The following BAZ2B variants were observed in gnomAD, a reference collection of about 807,000 sequenced individuals.
The protein encoded by BAZ2B is bromodomain adjacent to zinc finger domain protein 2B.
In BAZ2B, 91 loss-of-function variants were observed where a neutral mutation model predicts 246.0. That is an observed-to-expected ratio of 0.37 (90% CI 0.31 to 0.44). The LOEUF (loss-of-function observed/expected upper bound fraction) is 0.44, where lower values mean the gene tolerates loss of function less well. BAZ2B is among the 20% of genes least tolerant of loss of function. The pLI is 1.00. For synonymous variants in BAZ2B, 855 were observed against 860.0 expected, an observed-to-expected ratio of 0.99 and a Z score of 0.10; for missense variants, 2,332 against 2,533.7, an observed-to-expected ratio of 0.92 and a Z score of 1.71.
intron 36 of BAZ2B, among the ~76,000 whole-genome samples, chr2:159,323,571 G>A (rs2063016748): frequency 6.6e-6 from 1 of 151,970 alleles, no homozygotes; most frequent in Admixed American, 6.6e-5. Context: ...AGGAGGTGGA[G>A]GTGGGCGGAT....
At chr2:159,635,089 G>A in the BAZ2B span, among the ~76,000 whole-genome samples, 1 of 152,156 alleles carries the variant, frequency 6.6e-6, no homozygotes, top group African/African-American at 2.4e-5. Flanking sequence ...GAATTTTGTG[G>A]CAACTTTAAT....
chr2:159,687,717 G>A, the BAZ2B span, among the ~76,000 whole-genome samples: 2 of 152,214 alleles, frequency 1.3e-5, no homozygotes, highest in African/African-American at 4.8e-5. Flanking sequence ...CGTTGAACAT[G>A]AGGCAGAGGT....
At chr2:159,370,823 C>G (rs760295407) in intron 27 of BAZ2B, among the ~76,000 whole-genome samples, 23 of 152,046 alleles carry the variant, frequency 1.5e-4, no homozygotes, top group Non-Finnish European at 2.8e-4. Flanking sequence ...TATTTAGAGA[C>G]AGATCTTCAC....
intron 1 of BAZ2B, among the ~76,000 whole-genome samples, chr2:159,578,842 T>C (rs2151618132): frequency 6.6e-6 from 1 of 152,236 alleles, no homozygotes; most frequent in East Asian, 1.9e-4. Context: ...CATAACGAGA[T>C]GAAGGCAGAA....
chr2:159,537,530 A>G (rs1441561818), intron 2 of BAZ2B, among the ~76,000 whole-genome samples: 1 of 152,242 alleles, frequency 6.6e-6, no homozygotes, highest in Non-Finnish European at 1.5e-5. Flanking sequence ...ATTTTCATAT[A>G]GTTTTTATAT....
the BAZ2B span, among the ~76,000 whole-genome samples, chr2:159,661,399 T>C: frequency 1.3e-5 from 2 of 152,176 alleles, no homozygotes; most frequent in African/African-American, 4.8e-5. Flanking sequence ...AGCTGTTAGG[T>C]ATATTCTAGT....
intron 2 of BAZ2B, among the ~76,000 whole-genome samples, chr2:159,532,124 T>C (rs931373729): frequency 6.6e-6 from 1 of 152,154 alleles, no homozygotes; most frequent in Non-Finnish European, 1.5e-5. Context: ...TCCTTAGAAA[T>C]TGAAAACACT....
chr2:159,548,702 G>C lies in BAZ2B; in HGVS notation c.-3+7121C>G, dbSNP rs182103931. Among the ~76,000 whole-genome samples, 313 of 152,272 alleles carry C rather than the reference G, an allele frequency of 2.1e-3. 3 individuals are homozygous for C. Among genetic ancestry groups the C allele is most frequent in the Admixed American group, 4.3e-3 (66 of 15,294 alleles). ...TAACTTCCATGCTTTGGGAGGCCTA[G>C]GTGGAAGGATTGCTTGAGGCCAGGA... On this transcript the variant is annotated intron_variant, in intron 2 of 36. Coordinates refer to ENST00000392783, the MANE Select transcript of BAZ2B (RefSeq NM_013450.4).
At chr2:159,656,989 T>C in the BAZ2B span, among the ~76,000 whole-genome samples, 1 of 152,168 alleles carries the variant, frequency 6.6e-6, no homozygotes, top group Non-Finnish European at 1.5e-5. Context: ...TAAATTTTAA[T>C]CTTGTACAAC....
chr2:159,629,582 G>C, the BAZ2B span, among the ~76,000 whole-genome samples: 151,572 of 152,108 alleles, frequency 1, 75,519 homozygotes, highest in Middle Eastern at 1. Context: ...GAACAGAAAA[G>C]CAAACACCGC....
chr2:159,476,546 T>C, intron 3 of BAZ2B, among the ~76,000 whole-genome samples: 1 of 152,186 alleles, frequency 6.6e-6, no homozygotes, highest in East Asian at 1.9e-4. Flanking sequence ...GCCCAACATA[T>C]GACTCATGAG....
the BAZ2B span, among the ~76,000 whole-genome samples, chr2:159,676,727 G>C: frequency 6.6e-6 from 1 of 150,760 alleles, no homozygotes; most frequent in African/African-American, 2.4e-5. Context: ...CATAAAGACA[G>C]AAAGTAGATT....
the BAZ2B span, among the ~76,000 whole-genome samples, chr2:159,663,887 T>A: frequency 5.6e-5 from 5 of 89,708 alleles, no homozygotes; most frequent in Admixed American, 1.4e-4. Flanking sequence ...TTTTTTTTTT[T>A]AATTATACTC....
intron 17 of BAZ2B, 64 bp from the exon 18 acceptor site, chr2:159,398,958 A>C: frequency 1.4e-6 from 2 of 1,475,526 alleles, no homozygotes; most frequent in Non-Finnish European, 1.9e-6. Context: ...AAATAATGTC[A>C]GACTTGAAAT....
chr2:159,599,852 C>T (rs539104024), intron 1 of BAZ2B, among the ~76,000 whole-genome samples: 8 of 146,008 alleles, frequency 5.5e-5, no homozygotes, highest in Admixed American at 7.2e-5. Flanking sequence ...AGGAGAATGG[C>T]GTGAACCCGT....
At chr2:159,509,145 AAAATATT>A (rs1289311280) in intron 2 of BAZ2B, among the ~76,000 whole-genome samples, 3 of 152,202 alleles carry the variant, frequency 2.0e-5, no homozygotes, top group Non-Finnish European at 4.4e-5. Flanking sequence ...TATAAAATAT[AAAATATT>A]AACATATATC....
chr2:159,704,734 G>A, the BAZ2B span, among the ~76,000 whole-genome samples: 3 of 151,818 alleles, frequency 2.0e-5, no homozygotes, highest in Non-Finnish European at 2.9e-5. Context: ...CACCCGCCTC[G>A]GCTTCCCAAA....
chr2:159,646,379 T>C, the BAZ2B span, among the ~76,000 whole-genome samples: 1 of 152,196 alleles, frequency 6.6e-6, no homozygotes, highest in Non-Finnish European at 1.5e-5. Context: ...AGATTTCATA[T>C]TGTTCAAACA....
At chr2:159,394,558 GTGAT>G (rs2063755523) in intron 20 of BAZ2B, among the ~76,000 whole-genome samples, 1 of 152,188 alleles carries the variant, frequency 6.6e-6, no homozygotes, top group African/African-American at 2.4e-5. Context: ...GTCACAGAAA[GTGAT>G]TGTTGTAATA....
Sources: allele counts gnomAD v4.1 joint callset (sites outside exome capture counted in the v4.1 genomes callset), GRCh38; gene constraint gnomAD v4.1.1; transcripts MANE v1.5; gene names NCBI Gene and HGNC (gene_info 2026-07-23, HGNC 2026-07-21).